CALN1: variants seen among roughly 807,000 people sequenced by gnomAD.
The protein encoded by CALN1 is calneuron 1, also known as calcium-binding protein 8.
A neutral mutation model predicts 30.6 loss-of-function variants in CALN1; 17 were observed. The ratio of observed to expected loss-of-function variants is 0.56; its 90% CI spans 0.38 to 0.83. The LOEUF (loss-of-function observed/expected upper bound fraction) is 0.83, where lower values mean the gene tolerates loss of function less well. Among genes scored for constraint, CALN1 ranks in the 40% least tolerant of loss-of-function variants. The pLI is 0.00. For synonymous variants in CALN1, 156 were observed against 131.4 expected, an observed-to-expected ratio of 1.19 and a Z score of -1.28; for missense variants, 291 against 354.9, an observed-to-expected ratio of 0.82 and a Z score of 1.45.
chr7:72,316,550 T>C (rs1216254684), intron 2 of CALN1, among the ~76,000 whole-genome samples: 2 of 152,142 alleles, frequency 1.3e-5, no homozygotes, highest in Non-Finnish European at 2.9e-5. Context: ...AATGATTACC[T>C]CTGGGGTCAG....
intron 6 of CALN1, among the ~76,000 whole-genome samples, chr7:71,798,077 GACAGAGAGAGAC>G (rs1316575609): frequency 1.7e-3 from 208 of 122,876 alleles, no homozygotes; most frequent in African/African-American, 7.0e-3. Context: ...GAGAGAGAGA[GACAGAGAGAGAC>G]AGAGAGAGAG....
chr7:72,007,906 G>C (rs560479958), intron 5 of CALN1, among the ~76,000 whole-genome samples: 29 of 152,140 alleles, frequency 1.9e-4, no homozygotes, highest in African/African-American at 5.3e-4. Context: ...ATGAATGAAT[G>C]AATCAATCAA....
chr7:72,389,282 C>T (rs1421463101), intron 2 of CALN1, among the ~76,000 whole-genome samples: 1 of 152,206 alleles, frequency 6.6e-6, no homozygotes, highest in Non-Finnish European at 1.5e-5. Context: ...CTCATTTTGC[C>T]CTTCTCTTCT....
chr7:72,239,274 T>C (rs1239413858), intron 3 of CALN1, among the ~76,000 whole-genome samples: 1 of 152,090 alleles, frequency 6.6e-6, no homozygotes, highest in East Asian at 1.9e-4. Context: ...GGCACGTCCT[T>C]GTATTCTCAG....
At chr7:72,187,695 C>T (rs1790303619) in intron 3 of CALN1, among the ~76,000 whole-genome samples, 1 of 152,106 alleles carries the variant, frequency 6.6e-6, no homozygotes, top group African/African-American at 2.4e-5. Flanking sequence ...GGTGATAGAC[C>T]CATTTTGCAC....
chr7:72,338,605 C>G (rs530611601), intron 2 of CALN1, among the ~76,000 whole-genome samples: 13 of 150,510 alleles, frequency 8.6e-5, no homozygotes, highest in African/African-American at 2.7e-4. Flanking sequence ...CATTTCCTAA[C>G]CTGTATTATT....
chr7:72,408,489 G>C (rs1806859576), intron 1 of CALN1, among the ~76,000 whole-genome samples: 1 of 151,754 alleles, frequency 6.6e-6, no homozygotes, highest in African/African-American at 2.4e-5. Context: ...AGACTCTCTA[G>C]ACGTGAAGGT....
chr7:72,381,079 G>A (rs1198345674), intron 2 of CALN1, among the ~76,000 whole-genome samples: 2 of 152,130 alleles, frequency 1.3e-5, no homozygotes, highest in African/African-American at 2.4e-5. Flanking sequence ...ATAAACCAAA[G>A]TTTTGATATA....
chr7:72,009,172 C>A (rs1020399703), intron 5 of CALN1, among the ~76,000 whole-genome samples: 3 of 152,120 alleles, frequency 2.0e-5, no homozygotes, highest in Non-Finnish European at 4.4e-5. Context: ...TAAATCAATT[C>A]CATACTGTAC....
chr7:71,806,725 C>T (rs564352526), intron 6 of CALN1, among the ~76,000 whole-genome samples: 7 of 152,216 alleles, frequency 4.6e-5, no homozygotes, highest in Non-Finnish European at 7.4e-5. Flanking sequence ...GAAGGACCCC[C>T]CCCCAGGGAG....
At chr7:72,388,794 T>C (rs1277733210) in intron 2 of CALN1, among the ~76,000 whole-genome samples, 3 of 152,186 alleles carry the variant, frequency 2.0e-5, no homozygotes, top group Non-Finnish European at 2.9e-5. Context: ...GGATGTGTCT[T>C]GTCACCCGGT....
At chr7:72,183,992 G>A (rs1174921958) in intron 3 of CALN1, among the ~76,000 whole-genome samples, 2 of 152,002 alleles carry the variant, frequency 1.3e-5, no homozygotes, top group Admixed American at 6.6e-5. Flanking sequence ...TATGACGACA[G>A]TTCAGTTAAG....
chr7:72,307,601 C>A (rs776192791), intron 2 of CALN1, among the ~76,000 whole-genome samples: 2 of 152,178 alleles, frequency 1.3e-5, no homozygotes, highest in African/African-American at 2.4e-5. Context: ...CTGGGCAATG[C>A]GACTGCCTGA....
At chr7:72,333,564 A>T (rs1264895832) in intron 2 of CALN1, among the ~76,000 whole-genome samples, 1 of 152,164 alleles carries the variant, frequency 6.6e-6, no homozygotes, top group Non-Finnish European at 1.5e-5. Flanking sequence ...AACGAGCATC[A>T]GAGGCTGTTG....
At chr7:71,820,517 C>A (rs1013176701) in intron 5 of CALN1, among the ~76,000 whole-genome samples, 2 of 152,134 alleles carry the variant, frequency 1.3e-5, no homozygotes, top group African/African-American at 4.8e-5. Flanking sequence ...TTAGCCATTC[C>A]GTTGTATGGA....
the CALN1 span, among the ~76,000 whole-genome samples, chr7:72,499,901 CTTTCTTTCTT>C: frequency 3.2e-4 from 14 of 44,392 alleles, 2 homozygotes; most frequent in Non-Finnish European, 4.2e-4. Context: ...TTCTTTCTTT[CTTTCTTTCTT>C]TCTATCTTTC....
intron 6 of CALN1, among the ~76,000 whole-genome samples, chr7:71,793,717 C>T (rs969691713): frequency 3.3e-5 from 5 of 152,044 alleles, no homozygotes; most frequent in South Asian, 4.1e-4. Context: ...ACTAAAAATA[C>T]ACAGAAAAAT....
intron 3 of CALN1, among the ~76,000 whole-genome samples, chr7:72,116,182 G>C (rs1807972622): frequency 6.6e-6 from 1 of 152,134 alleles, no homozygotes. Flanking sequence ...GCTCAGACTT[G>C]AAAAGAAGGC....
chr7:72,045,712 TAG>T (rs1264822902), intron 4 of CALN1, among the ~76,000 whole-genome samples: 3 of 151,970 alleles, frequency 2.0e-5, no homozygotes, highest in Non-Finnish European at 2.9e-5. Flanking sequence ...AATTTTTTCG[TAG>T]AGAGACCAGG....
Sources: allele counts gnomAD v4.1 joint callset (sites outside exome capture counted in the v4.1 genomes callset), GRCh38; gene constraint gnomAD v4.1.1; transcripts MANE v1.5; gene names NCBI Gene and HGNC (gene_info 2026-07-23, HGNC 2026-07-21).